CNTN4: variants seen among roughly 807,000 people sequenced by gnomAD.
CNTN4 encodes contactin 4.
In CNTN4, 77 loss-of-function variants were observed where a neutral mutation model predicts 122.5. That is an observed-to-expected ratio of 0.63 (90% confidence interval 0.52 to 0.76). The LOEUF (loss-of-function observed/expected upper bound fraction) is 0.76. Among genes scored for constraint, CNTN4 ranks in the 30% least tolerant of loss-of-function variants. CNTN4 has a pLI of 0.00. For synonymous variants in CNTN4, 512 were observed against 447.0 expected, an observed-to-expected ratio of 1.15 and a Z score of -1.83; for missense variants, 1,256 against 1,259.1, an observed-to-expected ratio of 1.00 and a Z score of 0.04.
At chr3:2,463,854 G>A (rs537008632) in intron 3 of CNTN4, among the ~76,000 whole-genome samples, 32 of 152,152 alleles carry the variant, frequency 2.1e-4, no homozygotes, top group African/African-American at 5.5e-4. Flanking sequence ...CTGGTACTAC[G>A]GTATGATATG....
At chr3:2,342,608 CAGTG>C (rs1463128874) in intron 3 of CNTN4, among the ~76,000 whole-genome samples, 1 of 152,114 alleles carries the variant, frequency 6.6e-6, no homozygotes, top group African/African-American at 2.4e-5. Flanking sequence ...GTTCGTGTAA[CAGTG>C]AGTGAGTTCT....
chr3:2,406,234 C>T (rs2047031713), intron 3 of CNTN4, among the ~76,000 whole-genome samples: 1 of 152,140 alleles, frequency 6.6e-6, no homozygotes, highest in Admixed American at 6.5e-5. Flanking sequence ...CCACCTTAAT[C>T]AAGTGATCAT....
intron 2 of CNTN4, among the ~76,000 whole-genome samples, chr3:2,256,150 A>G (rs1253644717): frequency 6.6e-6 from 1 of 152,222 alleles, no homozygotes; most frequent in East Asian, 1.9e-4. Flanking sequence ...CCATCAGAGA[A>G]TCCTATAAAC....
chr3:2,364,742 A>T (rs904060902), intron 3 of CNTN4, among the ~76,000 whole-genome samples: 3 of 152,192 alleles, frequency 2.0e-5, no homozygotes, highest in Non-Finnish European at 4.4e-5. Context: ...TTTCCTGGTA[A>T]TTGAAAGCAC....
intron 4 of CNTN4, among the ~76,000 whole-genome samples, chr3:2,668,896 T>G (rs1472941037): frequency 6.6e-6 from 1 of 152,238 alleles, no homozygotes; most frequent in East Asian, 1.9e-4. Flanking sequence ...ATTACGTTTA[T>G]TGATTTGCAT....
chr3:2,116,033 A>G (rs10510227), intron 2 of CNTN4, among the ~76,000 whole-genome samples: 5,176 of 152,244 alleles, frequency 0.034, 299 homozygotes, highest in South Asian at 0.22. Context: ...AGTAACCTGC[A>G]TGTAAAGCCT....
chr3:2,435,202 T>G lies in CNTN4; in HGVS notation c.-89+95969T>G, dbSNP rs2048217212. On this transcript the variant is annotated intron_variant, in intron 3 of 24. Coordinates refer to ENST00000418658, the MANE Select transcript of CNTN4 (RefSeq NM_175607.3). ...TTCATAAACTTCTAAAAAACTTAAA[T>G]ATAAATACAGTCATCCCTCAGTGTC... is the stretch of plus-strand genomic sequence containing the variant. Among the ~76,000 whole-genome samples the G allele has an allele frequency of 2.0e-5, 3 of 152,130 alleles. No individual in the cohort carries two copies. In the South Asian group the frequency reaches 6.2e-4, roughly 32 times the overall value.
chr3:2,919,197 A>T (rs576337382), intron 12 of CNTN4, among the ~76,000 whole-genome samples: 70 of 151,256 alleles, frequency 4.6e-4, no homozygotes, highest in African/African-American at 1.6e-3. Flanking sequence ...TACAAAAAAA[A>T]AAAAAATTGC....
chr3:2,867,406 G>A (rs2093736167), intron 8 of CNTN4, among the ~76,000 whole-genome samples: 1 of 152,126 alleles, frequency 6.6e-6, no homozygotes. Flanking sequence ...AGGCTTGTTT[G>A]AGACAGAAAT....
chr3:2,703,738 A>G (rs1239435849), intron 4 of CNTN4, among the ~76,000 whole-genome samples: 1 of 152,182 alleles, frequency 6.6e-6, no homozygotes, highest in Non-Finnish European at 1.5e-5. Flanking sequence ...TAAACCAGTG[A>G]TAACTGCACA....
At chr3:2,237,546 G>T (rs2039733077) in intron 2 of CNTN4, among the ~76,000 whole-genome samples, 1 of 152,060 alleles carries the variant, frequency 6.6e-6, no homozygotes, top group Admixed American at 6.6e-5. Context: ...AAAAGAGAGA[G>T]GGATTTCTAA....
At chr3:2,958,034 G>A (rs1259056110) in intron 13 of CNTN4, among the ~76,000 whole-genome samples, 1 of 152,086 alleles carries the variant, frequency 6.6e-6, no homozygotes, top group Non-Finnish European at 1.5e-5. Context: ...TTTGTCTAAT[G>A]GATTTCTAAT....
At chr3:2,450,839 T>G (rs2151358902) in intron 3 of CNTN4, among the ~76,000 whole-genome samples, 1 of 152,206 alleles carries the variant, frequency 6.6e-6, no homozygotes. Flanking sequence ...AGAAAGAAAA[T>G]ACCTGGCTGG....
At chr3:2,237,329 GC>G (rs2039722083) in intron 2 of CNTN4, among the ~76,000 whole-genome samples, 2 of 152,116 alleles carry the variant, frequency 1.3e-5, no homozygotes, top group Admixed American at 1.3e-4. Context: ...TTTACTGTAA[GC>G]TGGGTGTGGT....
At chr3:2,789,469 A>G (rs966774665) in intron 6 of CNTN4, among the ~76,000 whole-genome samples, 2 of 152,264 alleles carry the variant, frequency 1.3e-5, no homozygotes, top group South Asian at 2.1e-4. Flanking sequence ...GTCTTGCTCT[A>G]TTGCCCAGGC....
chr3:2,716,677 T>G (rs1411696704), intron 4 of CNTN4, among the ~76,000 whole-genome samples: 1 of 152,192 alleles, frequency 6.6e-6, no homozygotes, highest in Non-Finnish European at 1.5e-5. Flanking sequence ...AATCAGTTCT[T>G]TTTAGCATAT....
chr3:2,111,177 A>G (rs1228631267), intron 2 of CNTN4, among the ~76,000 whole-genome samples: 1 of 152,172 alleles, frequency 6.6e-6, no homozygotes, highest in Non-Finnish European at 1.5e-5. Flanking sequence ...CAAAACAATT[A>G]TGGATACTAT....
intron 12 of CNTN4, among the ~76,000 whole-genome samples, chr3:2,909,126 G>A (rs773170021): frequency 2.6e-5 from 4 of 152,144 alleles, no homozygotes; most frequent in Non-Finnish European, 4.4e-5. Flanking sequence ...CTGCCTCGTT[G>A]AGCCAGGTTA....
At chr3:2,376,773 G>C (rs147638896) in intron 3 of CNTN4, among the ~76,000 whole-genome samples, 1 of 151,374 alleles carries the variant, frequency 6.6e-6, no homozygotes, top group East Asian at 1.9e-4. Flanking sequence ...TCTCATGTTG[G>C]TTGTGTGCTG....
Sources: allele counts gnomAD v4.1 joint callset (sites outside exome capture counted in the v4.1 genomes callset), GRCh38; gene constraint gnomAD v4.1.1; transcripts MANE v1.5; gene names NCBI Gene and HGNC (gene_info 2026-07-23, HGNC 2026-07-21).